BST1: variants seen among roughly 807,000 people sequenced by gnomAD.
BST1 encodes bone marrow stromal cell antigen 1.
In BST1, 49 loss-of-function variants were observed where a neutral mutation model predicts 40.6. The observed-to-expected ratio is 1.21, with a 90% confidence interval of 0.96 to 1.53. The LOEUF (loss-of-function observed/expected upper bound fraction) is 1.53. BST1 is among the 40% of genes most tolerant of loss of function. BST1 has a pLI of 0.00. For missense variants in BST1, 423 were observed against 395.9 expected (o/e 1.07, Z -0.58); for synonymous variants, 157 against 159.3 (o/e 0.99, Z 0.11).
the BST1 span, among the ~76,000 whole-genome samples, chr4:15,762,264 T>C: frequency 6.7e-6 from 1 of 149,356 alleles, no homozygotes; most frequent in Non-Finnish European, 1.5e-5. Flanking sequence ...TGTGTGTATG[T>C]ATGTATACAA....
chr4:15,719,097 G>A, intron 7 of BST1, 104 bp downstream of exon 7: 3 of 977,088 alleles, frequency 3.1e-6, no homozygotes, highest in Non-Finnish European at 4.5e-6. Flanking sequence ...TGAAGGCCAT[G>A]GTGTCTTCCG....
chr4:15,735,997 AC>A (rs1721547731), downstream of BST1: 14 of 1,084,588 alleles, frequency 1.3e-5, no homozygotes, highest in Non-Finnish European at 1.6e-5. Flanking sequence ...GTCATACTGC[AC>A]GCAGAGTAGC....
At chr4:15,765,479 T>C in the BST1 span, among the ~76,000 whole-genome samples, 1 of 151,862 alleles carries the variant, frequency 6.6e-6, no homozygotes, top group Admixed American at 6.6e-5. Context: ...ACAGCCAGAG[T>C]GAGCCTGACA....
chr4:15,756,850 G>A, the BST1 span, among the ~76,000 whole-genome samples: 1 of 152,180 alleles, frequency 6.6e-6, no homozygotes, highest in Non-Finnish European at 1.5e-5. Flanking sequence ...AAAACATACT[G>A]TGGGAGACAA....
intron 8 of BST1, among the ~76,000 whole-genome samples, chr4:15,726,162 A>G (rs1442750794): frequency 2.3e-5 from 3 of 129,294 alleles, no homozygotes; most frequent in African/African-American, 3.1e-5. Flanking sequence ...TTTTGTAGAG[A>G]TGAGGTCTCA....
At chr4:15,760,112 A>G in the BST1 span, among the ~76,000 whole-genome samples, 1 of 151,938 alleles carries the variant, frequency 6.6e-6, no homozygotes, top group Non-Finnish European at 1.5e-5. Context: ...GCCCTAGGGA[A>G]CTTCTAATCT....
downstream of BST1, among the ~76,000 whole-genome samples, chr4:15,734,163 C>A (rs1367155962): frequency 6.6e-6 from 1 of 151,960 alleles, no homozygotes; most frequent in African/African-American, 2.4e-5. Flanking sequence ...GAGAGCAGAC[C>A]AGTGATTGTG....
At chr4:15,755,565 C>T in the BST1 span, among the ~76,000 whole-genome samples, 4 of 152,140 alleles carry the variant, frequency 2.6e-5, no homozygotes, top group Admixed American at 2.0e-4. Flanking sequence ...AATGCATTTG[C>T]AATATTAATG....
At chr4:15,737,874 G>A (rs1336139310) in exon 7 of BST1, 17 of 1,206,662 alleles carry the variant, frequency 1.4e-5, no homozygotes, top group South Asian at 2.5e-5. Context: ...CAAGGAAGCC[G>A]AAATCTCCAG....
At chr4:15,752,992 T>G in the BST1 span, among the ~76,000 whole-genome samples, 1 of 149,980 alleles carries the variant, frequency 6.7e-6, no homozygotes, top group African/African-American at 2.5e-5. Flanking sequence ...AAGAAATATT[T>G]AAATATAAAT....
the BST1 span, among the ~76,000 whole-genome samples, chr4:15,769,200 C>T: frequency 3.3e-5 from 5 of 152,340 alleles, no homozygotes; most frequent in Middle Eastern, 3.4e-3. Flanking sequence ...CCGGTGAATC[C>T]GATGAAGACC....
chr4:15,757,869 C>T, the BST1 span, among the ~76,000 whole-genome samples: 3 of 151,886 alleles, frequency 2.0e-5, no homozygotes, highest in Non-Finnish European at 2.9e-5. Flanking sequence ...CTTGAACTCC[C>T]GACCTCAGGT....
chr4:15,713,995 C>A (rs565030727), intron 4 of BST1, among the ~76,000 whole-genome samples: 33 of 152,120 alleles, frequency 2.2e-4, no homozygotes, highest in Non-Finnish European at 3.7e-4. Context: ...TGAGCCACAG[C>A]GCCTGACTCT....
chr4:15,749,399 T>C, the BST1 span, among the ~76,000 whole-genome samples: 1 of 152,186 alleles, frequency 6.6e-6, no homozygotes, highest in Admixed American at 6.5e-5. Flanking sequence ...GTTGTTGTTG[T>C]CGTTGTTGTT....
chr4:15,742,673 T>C (rs1290697721), downstream of BST1, among the ~76,000 whole-genome samples: 1 of 152,180 alleles, frequency 6.6e-6, no homozygotes, highest in African/African-American at 2.4e-5. Flanking sequence ...TGGGAGGTAA[T>C]AAACTACCTG....
At chr4:15,736,924 T>C (rs1721590969), downstream of BST1, among the ~76,000 whole-genome samples, 1 of 152,144 alleles carries the variant, frequency 6.6e-6, no homozygotes, top group Admixed American at 6.5e-5. Context: ...GGTGAGAACC[T>C]TGGGTTTGGG....
At chr4:15,712,248 G>A (rs1288387925) in intron 4 of BST1, among the ~76,000 whole-genome samples, 2 of 152,158 alleles carry the variant, frequency 1.3e-5, no homozygotes, top group Non-Finnish European at 2.9e-5. Flanking sequence ...ACCCTAGGAT[G>A]CTGGAGATCA....
intron 8 of BST1, among the ~76,000 whole-genome samples, chr4:15,727,031 T>A (rs1462708713): frequency 6.6e-6 from 1 of 152,118 alleles, no homozygotes; most frequent in Non-Finnish European, 1.5e-5. Context: ...CTTTGCAGTG[T>A]CAGGCTTCCA....
At chr4:15,738,511 C>A (rs534549010), downstream of BST1, among the ~76,000 whole-genome samples, 1 of 152,030 alleles carries the variant, frequency 6.6e-6, no homozygotes, top group South Asian at 2.1e-4. Flanking sequence ...AGAAAAAGAT[C>A]CTAAAAACAT....
Sources: allele counts gnomAD v4.1 joint callset (sites outside exome capture counted in the v4.1 genomes callset), GRCh38; gene constraint gnomAD v4.1.1; transcripts MANE v1.5; gene names NCBI Gene and HGNC (gene_info 2026-07-23, HGNC 2026-07-21).